SNX29: variants seen among roughly 807,000 people sequenced by gnomAD.
SNX29 encodes sorting nexin-29.
A neutral mutation model predicts 102.1 loss-of-function variants in SNX29; 78 were observed. The ratio of observed to expected loss-of-function variants is 0.76; its 90% CI spans 0.64 to 0.92. SNX29 has a LOEUF of 0.92. Among genes scored for constraint, SNX29 ranks in the 40% least tolerant of loss-of-function variants. SNX29 has a pLI of 0.00. For synonymous variants in SNX29, 580 were observed against 414.5 expected (o/e 1.40, Z -4.85); for missense variants, 1,280 against 1,061.7 (o/e 1.21, Z -2.86).
At chr16:12,435,096 G>A (rs2085479228) in intron 18 of SNX29, among the ~76,000 whole-genome samples, 2 of 152,038 alleles carry the variant, frequency 1.3e-5, no homozygotes, top group African/African-American at 4.8e-5. Flanking sequence ...GGGTTGGAGG[G>A]ATCACATCAC....
At chr16:12,086,799 C>T (rs2052221820) in intron 11 of SNX29, 1 of 152,056 alleles carries the variant, frequency 6.6e-6, no homozygotes, top group African/African-American at 2.4e-5. Context: ...TAATTTGCGG[C>T]AACAATGTTT....
intron 15 of SNX29, among the ~76,000 whole-genome samples, chr16:12,295,457 T>G (rs2079949126): frequency 6.6e-6 from 1 of 152,234 alleles, no homozygotes; most frequent in South Asian, 2.1e-4. Flanking sequence ...ACTTCCTTTG[T>G]GGCTAATTTT....
intron 20 of SNX29, among the ~76,000 whole-genome samples, chr16:12,567,642 G>A (rs563298281): frequency 1.3e-5 from 2 of 152,222 alleles, no homozygotes; most frequent in African/African-American, 2.4e-5. Flanking sequence ...AGTACCTATA[G>A]TCCCAGCTGC....
intron 14 of SNX29, among the ~76,000 whole-genome samples, chr16:12,273,724 C>T (rs185622745): frequency 4.3e-4 from 66 of 152,240 alleles, no homozygotes; most frequent in East Asian, 1.5e-3. Context: ...ACATTTTTGT[C>T]ATGCCCCAAA....
intron 15 of SNX29, among the ~76,000 whole-genome samples, chr16:12,336,674 G>C (rs569327756): frequency 1.3e-5 from 2 of 152,324 alleles, no homozygotes; most frequent in African/African-American, 4.8e-5. Flanking sequence ...GCTGAGTACA[G>C]TAGCTCATGC....
chr16:12,146,200 C>T (rs1176786334), intron 13 of SNX29, among the ~76,000 whole-genome samples: 1 of 152,106 alleles, frequency 6.6e-6, no homozygotes, highest in Non-Finnish European at 1.5e-5. Flanking sequence ...GTGTGTATTT[C>T]TCTGTCCGTT....
chr16:12,149,382 C>T (rs1348475219), intron 13 of SNX29, among the ~76,000 whole-genome samples: 1 of 152,142 alleles, frequency 6.6e-6, no homozygotes, highest in Non-Finnish European at 1.5e-5. Context: ...TTTAGTGGAG[C>T]ACATTGTCAC....
Position 12,189,970 on chromosome 16 carries a change from T to C in SNX29, c.1596-9631T>C, listed in dbSNP as rs932681821. 2.6e-5 allele frequency among the ~76,000 whole-genome samples: 4 copies of C among 152,188 alleles called. No individual in the cohort carries two copies. In the South Asian group the frequency reaches 8.3e-4, roughly 32 times the overall value. ...TTGACTTCTCACTTTCTTGACGTAT[T>C]TGTTATTCTCTTCTCCAATAACAAG... On this transcript the variant is annotated intron_variant, in intron 13 of 20. Transcript: ENST00000566228.
intron 20 of SNX29, among the ~76,000 whole-genome samples, chr16:12,533,498 G>C (rs928421106): frequency 6.6e-6 from 1 of 152,140 alleles, no homozygotes; most frequent in Admixed American, 6.5e-5. Flanking sequence ...GGACAGACTT[G>C]TCACATCAGA....
intron 18 of SNX29, among the ~76,000 whole-genome samples, chr16:12,415,796 C>T (rs963870853): frequency 3.9e-5 from 6 of 152,194 alleles, no homozygotes; most frequent in African/African-American, 1.4e-4. Flanking sequence ...ACTCCCTGTG[C>T]TCCCCAACCC....
intron 11 of SNX29, among the ~76,000 whole-genome samples, chr16:12,116,713 T>TGC (rs2053717500): frequency 1.3e-5 from 2 of 152,188 alleles, no homozygotes; most frequent in African/African-American, 4.8e-5. Flanking sequence ...TGCTTCAACG[T>TGC]GGATGAACTG....
At chr16:12,195,597 G>C (rs1448512197) in intron 13 of SNX29, among the ~76,000 whole-genome samples, 1 of 152,210 alleles carries the variant, frequency 6.6e-6, no homozygotes, top group Non-Finnish European at 1.5e-5. Flanking sequence ...ATCTGTGCAG[G>C]AGTCTTAACC....
chr16:12,402,461 G>A (rs1418531849), intron 17 of SNX29, among the ~76,000 whole-genome samples: 4 of 152,240 alleles, frequency 2.6e-5, no homozygotes, highest in South Asian at 2.1e-4. Flanking sequence ...AATTAGAGGC[G>A]AAGGCCGGGA....
chr16:12,568,868 T>G lies in SNX29; in HGVS notation c.*239T>G. The G allele has an allele frequency of 1.6e-6, 1 of 607,280 alleles. No homozygotes were observed. Among genetic ancestry groups the G allele is most frequent in the Non-Finnish European group, 2.8e-6 (1 of 361,718 alleles). 37.6% of individuals were successfully genotyped at this position (607,280 alleles called of 1,614,324 possible). On this transcript the variant is annotated 3_prime_UTR_variant, in exon 21 of 21. Transcript: ENST00000566228. The stretch of plus-strand genomic sequence containing the variant: ...TGGAGAGACTGGGACACACAGTCCT[T>G]CTGCTTCTGGGGTCTACCCTGGGCT...
chr16:12,475,767 G>A (rs1177635566), intron 18 of SNX29, among the ~76,000 whole-genome samples: 2 of 152,218 alleles, frequency 1.3e-5, no homozygotes, highest in Non-Finnish European at 2.9e-5. Context: ...TCTACTGAAT[G>A]CTTATTGCTT....
chr16:12,105,297 T>C (rs2053189309), intron 11 of SNX29, among the ~76,000 whole-genome samples: 2 of 142,796 alleles, frequency 1.4e-5, no homozygotes, highest in Admixed American at 7.2e-5. Context: ...TGATCTCAGC[T>C]CACTGCAACC....
chr16:12,254,688 C>T (rs1171566742), intron 14 of SNX29, among the ~76,000 whole-genome samples: 1 of 151,776 alleles, frequency 6.6e-6, no homozygotes, highest in Admixed American at 6.6e-5. Flanking sequence ...GGAGACAAGA[C>T]TCTCCTAGAG....
chr16:12,552,029 C>G (rs1003532678), intron 20 of SNX29, among the ~76,000 whole-genome samples: 1 of 152,176 alleles, frequency 6.6e-6, no homozygotes, highest in Non-Finnish European at 1.5e-5. Flanking sequence ...CGTGGCAAGT[C>G]CAGGCTCAGA....
chr16:12,390,771 C>T (rs1442647965), intron 16 of SNX29, among the ~76,000 whole-genome samples: 2 of 151,928 alleles, frequency 1.3e-5, no homozygotes, highest in African/African-American at 2.4e-5. Context: ...CTTCTGTTGT[C>T]CCCATTTTCC....
Sources: allele counts gnomAD v4.1 joint callset (sites outside exome capture counted in the v4.1 genomes callset), GRCh38; gene constraint gnomAD v4.1.1; transcripts MANE v1.5; gene names NCBI Gene and HGNC (gene_info 2026-07-23, HGNC 2026-07-21).